Variants in NRG1 observed in about 807,000 individuals in gnomAD.
NRG1 encodes the protein pro-neuregulin-1, membrane-bound isoform.
NRG1 carries 18 observed loss-of-function variants against 63.8 expected under a neutral mutation model. The ratio of observed to expected loss-of-function variants is 0.28; its 90% confidence interval spans 0.19 to 0.42. The LOEUF (loss-of-function observed/expected upper bound fraction) is 0.42, where lower values mean the gene tolerates loss of function less well. Among genes scored for constraint, NRG1 ranks in the 10% least tolerant of loss-of-function variants. The probability of loss-of-function intolerance (pLI) is 1.00; values close to 1 mark genes in which losing one functional copy is unlikely to be tolerated. For synonymous variants in NRG1, 302 were observed against 301.3 expected (o/e 1.00, Z -0.02); for missense variants, 762 against 814.7 (o/e 0.94, Z 0.79).
intron 1 of NRG1, among the ~76,000 whole-genome samples, chr8:32,149,492 A>G (rs1245157874): frequency 2.0e-5 from 3 of 147,508 alleles, no homozygotes; most frequent in Non-Finnish European, 4.5e-5. Flanking sequence ...TCTGTTCTAA[A>G]TGTCCACTGC....
chr8:32,284,812 G>A (rs1046203958), intron 1 of NRG1, among the ~76,000 whole-genome samples: 27 of 152,114 alleles, frequency 1.8e-4, no homozygotes, highest in African/African-American at 6.5e-4. Context: ...AGGTCCCAAA[G>A]TACTGGGATT....
chr8:31,785,067 C>T (rs766759255), intron 1 of NRG1, among the ~76,000 whole-genome samples: 15 of 152,062 alleles, frequency 9.9e-5, no homozygotes, highest in East Asian at 5.8e-4. Flanking sequence ...GAAGGCTTTT[C>T]GTGGACTTTT....
chr8:32,713,362 T>A (rs1174371114), intron 5 of NRG1, among the ~76,000 whole-genome samples: 1 of 152,132 alleles, frequency 6.6e-6, no homozygotes, highest in Non-Finnish European at 1.5e-5. Context: ...CAAAAATCCT[T>A]CCGGTTTCGG....
intron 1 of NRG1, among the ~76,000 whole-genome samples, chr8:32,313,858 G>C (rs114372039): frequency 0.015 from 2,262 of 152,108 alleles, 49 homozygotes; most frequent in African/African-American, 0.052. Flanking sequence ...ATGCATGTCT[G>C]CTTATGTAGG....
At chr8:32,576,511 C>T (rs1341721466) in intron 1 of NRG1, among the ~76,000 whole-genome samples, 1 of 151,892 alleles carries the variant, frequency 6.6e-6, no homozygotes, top group Non-Finnish European at 1.5e-5. Flanking sequence ...AGTCTCAATT[C>T]CCTATAATTT....
chr8:32,223,381 A>C (rs1846019965), intron 1 of NRG1, among the ~76,000 whole-genome samples: 1 of 152,238 alleles, frequency 6.6e-6, no homozygotes, highest in African/African-American at 2.4e-5. Flanking sequence ...TCTTGCAAAA[A>C]TAGAAACCTG....
At chr8:32,526,921 A>G (rs1438886066) in intron 1 of NRG1, among the ~76,000 whole-genome samples, 1 of 151,802 alleles carries the variant, frequency 6.6e-6, no homozygotes, top group Non-Finnish European at 1.5e-5. Context: ...GTAGCCCTTC[A>G]CTCTTCTGTA....
At position 31,798,386 on chromosome 8, in the gene NRG1, T is replaced by A. The variant is rs147949426; in HGVS notation, c.37+158955T>A. ...AAGAGGGAAAAGTTTCAAAACAATA[T>A]CTATTTGTTGATTCCATCTGTATGG... On this transcript the variant is annotated intron_variant, in intron 1 of 10. Coordinates refer to the NRG1 transcript ENST00000519301. Among the ~76,000 whole-genome samples, 317 of 152,356 alleles carry A rather than the reference T, an allele frequency of 2.1e-3. 4 individuals are homozygous for A. The highest frequency in any genetic ancestry group is 5.0e-4 in the Non-Finnish European group (34 of 68,028).
At chr8:32,209,423 G>A (rs894067737) in intron 1 of NRG1, among the ~76,000 whole-genome samples, 4 of 151,932 alleles carry the variant, frequency 2.6e-5, no homozygotes, top group Middle Eastern at 3.2e-3. Flanking sequence ...CATTTGAAGT[G>A]TATAGCTCCA....
chr8:31,958,429 C>T (rs188571329), intron 1 of NRG1, among the ~76,000 whole-genome samples: 33 of 152,274 alleles, frequency 2.2e-4, no homozygotes, highest in Non-Finnish European at 4.0e-4. Context: ...GGACAAAATT[C>T]TTCCCATTGT....
At chr8:32,133,183 T>A (rs2131646479) in intron 1 of NRG1, among the ~76,000 whole-genome samples, 1 of 152,238 alleles carries the variant, frequency 6.6e-6, no homozygotes, top group African/African-American at 2.4e-5. Flanking sequence ...TATGCACATG[T>A]TTTTATAATG....
intron 1 of NRG1, among the ~76,000 whole-genome samples, chr8:32,228,410 C>T (rs766576840): frequency 3.3e-5 from 5 of 151,996 alleles, no homozygotes; most frequent in Admixed American, 6.6e-5. Flanking sequence ...CTTCTAAAGC[C>T]TTTTATGTTT....
At chr8:32,404,083 G>A (rs1044632615) in intron 1 of NRG1, among the ~76,000 whole-genome samples, 8 of 152,228 alleles carry the variant, frequency 5.3e-5, no homozygotes, top group Non-Finnish European at 8.8e-5. Context: ...CAGCAGTGGG[G>A]ATAAAGAAGG....
intron 5 of NRG1, among the ~76,000 whole-genome samples, chr8:32,653,501 G>T (rs1203125159): frequency 2.0e-5 from 3 of 152,262 alleles, no homozygotes; most frequent in Non-Finnish European, 4.4e-5. Context: ...AACAGGCTGA[G>T]TAGCCAGGGG....
intron 1 of NRG1, among the ~76,000 whole-genome samples, chr8:31,831,479 A>G (rs1456555023): frequency 1.3e-5 from 2 of 152,166 alleles, no homozygotes; most frequent in African/African-American, 2.4e-5. Context: ...TCAAAATGTC[A>G]TAGAGCTTCA....
chr8:32,428,580 C>A (rs188574005), intron 1 of NRG1, among the ~76,000 whole-genome samples: 218 of 152,236 alleles, frequency 1.4e-3, no homozygotes, highest in African/African-American at 5.1e-3. Flanking sequence ...AGGGAGGACA[C>A]CCTTGGCCAA....
intron 1 of NRG1, among the ~76,000 whole-genome samples, chr8:32,399,600 G>GT (rs1227889875): frequency 6.6e-6 from 1 of 152,160 alleles, no homozygotes; most frequent in East Asian, 1.9e-4. Context: ...AGCTACTTGG[G>GT]AGGCTGAGGT....
At chr8:31,973,576 A>T (rs888123836) in intron 1 of NRG1, among the ~76,000 whole-genome samples, 2 of 152,166 alleles carry the variant, frequency 1.3e-5, no homozygotes, top group Non-Finnish European at 2.9e-5. Context: ...CCATGTCTCA[A>T]ATCAAAATCT....
intron 1 of NRG1, among the ~76,000 whole-genome samples, chr8:31,886,644 G>T (rs1830736250): frequency 1.3e-5 from 2 of 152,050 alleles, no homozygotes; most frequent in South Asian, 4.1e-4. Context: ...GTATTCTGCA[G>T]CTGGCTCTTA....
Sources: allele counts gnomAD v4.1 joint callset (sites outside exome capture counted in the v4.1 genomes callset), GRCh38; gene constraint gnomAD v4.1.1; transcripts MANE v1.5; gene names NCBI Gene and HGNC (gene_info 2026-07-23, HGNC 2026-07-21).